The following KLHL8 variants were observed in gnomAD, a reference collection of about 807,000 sequenced individuals.
KLHL8 encodes kelch like family member 8, also known as kelch-like protein 8.
A neutral mutation model predicts 63.5 loss-of-function variants in KLHL8; 38 were observed. That is an observed-to-expected ratio of 0.60 (90% CI 0.46 to 0.78). The LOEUF (loss-of-function observed/expected upper bound fraction) is 0.78, where lower values mean the gene tolerates loss of function less well. Ranked by LOEUF, KLHL8 falls within the 30% of genes least tolerant of loss-of-function variation. The pLI is 0.00. For synonymous variants in KLHL8, 224 were observed against 254.3 expected (o/e 0.88, Z 1.13); for missense variants, 566 against 752.4 (o/e 0.75, Z 2.90).
chr4:87,175,260 C>A (rs1212783927), intron 6 of KLHL8, among the ~76,000 whole-genome samples: 3 of 152,208 alleles, frequency 2.0e-5, no homozygotes, highest in Non-Finnish European at 4.4e-5. Context: ...TTCAACAATA[C>A]ATCTATAGAT....
intron 5 of KLHL8, 138 bp downstream of exon 5, chr4:87,178,339 A>AT: frequency 1.1e-6 from 1 of 902,310 alleles, no homozygotes; most frequent in Non-Finnish European, 1.6e-6. Flanking sequence ...AAGCAAGTAA[A>AT]TTATCACTAA....
chr4:87,232,121 T>A (rs1733147037), intron 1 of KLHL8, among the ~76,000 whole-genome samples: 4 of 152,246 alleles, frequency 2.6e-5, no homozygotes, highest in Admixed American at 2.0e-4. Flanking sequence ...TAAATAGAAC[T>A]GTGCACTTAC....
chr4:87,207,444 C>A, intron 1 of KLHL8: 1 of 715,628 alleles, frequency 1.4e-6, no homozygotes, highest in South Asian at 1.5e-5. Flanking sequence ...AAAGGGTCAT[C>A]ATCTCTCCCC....
intron 4 of KLHL8, 57 bp from the exon 5 acceptor site, chr4:87,178,677 A>G: frequency 1.4e-6 from 2 of 1,466,198 alleles, no homozygotes; most frequent in Non-Finnish European, 1.8e-6. Context: ...GAAAAAAATT[A>G]GAAAGCCAAA....
chr4:87,206,970 T>A lies in KLHL8; in HGVS notation c.-151-11280A>T, dbSNP rs567925237. 4.0e-5 allele frequency: 11 copies of A among 276,646 alleles called. No homozygotes were observed. The East Asian group carries it at 9.9e-4, about 25-fold the overall frequency. 17.1% of individuals were successfully genotyped at this position (276,646 alleles called of 1,614,324 possible). On this transcript the variant is annotated intron_variant, in intron 1 of 9. Coordinates refer to ENST00000273963, the MANE Select transcript of KLHL8 (RefSeq NM_020803.5). ...GTCATGAGTGACTGAATTAACACGA[T>A]CTCTATGGGTTGGGTTTTTTCCCCC...
At chr4:87,170,261 A>T in intron 7 of KLHL8, 23 bp from the exon 8 acceptor site, 1 of 1,589,828 alleles carries the variant, frequency 6.3e-7, no homozygotes, top group Non-Finnish European at 8.6e-7. Context: ...AGTCAAACAA[A>T]ACACATTAGA....
chr4:87,221,392 T>TAAAAAAAAAAA (rs71660123), upstream of KLHL8: 1 of 87,040 alleles, frequency 1.1e-5, no homozygotes, highest in African/African-American at 5.4e-5. Flanking sequence ...AGACTCCGTC[T>TAAAAAAAAAAA]AAAAAAAAAA....
chr4:87,189,063 C>T (rs1731370931), intron 2 of KLHL8, among the ~76,000 whole-genome samples: 1 of 152,148 alleles, frequency 6.6e-6, no homozygotes, highest in Admixed American at 6.5e-5. Context: ...GACACTGGTG[C>T]TGGTGCATAG....
At chr4:87,203,537 A>G (rs75896325) in intron 1 of KLHL8, among the ~76,000 whole-genome samples, 2 of 136,518 alleles carry the variant, frequency 1.5e-5, no homozygotes, top group Admixed American at 7.2e-5. Context: ...TCACAAAAGA[A>G]AAAAAAAAAA....
chr4:87,181,238 C>G (rs1731040022), intron 4 of KLHL8, among the ~76,000 whole-genome samples: 1 of 150,732 alleles, frequency 6.6e-6, no homozygotes, highest in South Asian at 2.1e-4. Context: ...ACCAGCCTAG[C>G]CAACATGGTG....
chr4:87,212,153 T>G (rs1402356323), intron 1 of KLHL8, among the ~76,000 whole-genome samples: 1 of 152,184 alleles, frequency 6.6e-6, no homozygotes, highest in African/African-American at 2.4e-5. Context: ...ATAAACACTC[T>G]CACACTGCTG....
At chr4:87,214,315 T>TA (rs1732507427) in intron 1 of KLHL8, among the ~76,000 whole-genome samples, 1 of 150,534 alleles carries the variant, frequency 6.6e-6, no homozygotes, top group African/African-American at 2.4e-5. Context: ...AACGTTTCAT[T>TA]AGCTTTAGTT....
chr4:87,240,164 T>C (rs559333741), intron 1 of KLHL8: 49 of 152,280 alleles, frequency 3.2e-4, no homozygotes, highest in African/African-American at 1.2e-3. Flanking sequence ...TCTAATACCA[T>C]AGACAAAAAA....
intron 8 of KLHL8, among the ~76,000 whole-genome samples, chr4:87,165,112 T>C (rs944151699): frequency 7.1e-5 from 9 of 127,548 alleles, no homozygotes; most frequent in African/African-American, 6.1e-5. Context: ...ATTGTGCCAC[T>C]GCACTCCAGC....
intron 1 of KLHL8, chr4:87,207,489 G>T (rs759198116): frequency 7.0e-5 from 55 of 786,716 alleles, no homozygotes; most frequent in Non-Finnish European, 1.2e-4. Context: ...TGATGGGCAT[G>T]AACCATGAGA....
rs768406811 is a variant in KLHL8 at position 87,185,255 on chromosome 4, G to A, written c.761C>T (p.Ala254Val). 4 of 1,608,602 alleles carry A rather than the reference G, an allele frequency of 2.5e-6. No homozygotes were observed. Among genetic ancestry groups the A allele is most frequent in the Non-Finnish European group, 3.4e-6 (4 of 1,176,610 alleles). ...AAATCTTATTTCAGCTCCTACCTGT[G>A]CAAGTGTTTCATCCAACCATTTGGA... ...HHSKWLDETLAQVRLPLLPVD... is the reference protein window; with the variant it reads ...HHSKWLDETLVQVRLPLLPVD... Residue 254 changes from alanine to valine, a missense_variant, in exon 3 of 10, where the codon GCA (alanine) becomes GTA (valine). Physicochemically the swap from Ala to Val is moderately conservative, Grantham distance 64. Transcript: ENST00000273963.
intron 8 of KLHL8, among the ~76,000 whole-genome samples, chr4:87,165,078 G>A (rs1464560538): frequency 6.6e-6 from 1 of 150,472 alleles, no homozygotes; most frequent in Non-Finnish European, 1.5e-5. Context: ...GAACCTGGGA[G>A]GCGGACGCTT....
At chr4:87,234,922 G>C (rs1241725949) in intron 1 of KLHL8, among the ~76,000 whole-genome samples, 1 of 151,834 alleles carries the variant, frequency 6.6e-6, no homozygotes, top group Non-Finnish European at 1.5e-5. Flanking sequence ...TTAACCAACA[G>C]TTTAAAAAGA....
At position 87,207,922 on chromosome 4, in the gene KLHL8, C is replaced by T. The variant is rs1419336170; in HGVS notation, c.-151-12232G>A. On this transcript the variant is annotated intron_variant, in intron 1 of 9. Transcript: ENST00000273963. ...GGGCATCCTGGGCTACACTGAGCAC[C>T]AGGCTGTCTCCTCCAACTTCAACAG... The T allele has an allele frequency of 6.6e-6, 8 of 1,217,414 alleles. 1 individual carries two copies. In the African/African-American group the frequency reaches 8.9e-5, roughly 14 times the overall value. The allele number at this position is 1,217,414 out of a possible 1,614,324, so 75.4% of individuals were successfully genotyped here.
Sources: allele counts gnomAD v4.1 joint callset (sites outside exome capture counted in the v4.1 genomes callset), GRCh38; gene constraint gnomAD v4.1.1; transcripts MANE v1.5; gene names NCBI Gene and HGNC (gene_info 2026-07-23, HGNC 2026-07-21).